PTPRD: variants seen among roughly 807,000 people sequenced by gnomAD.
PTPRD encodes the protein receptor-type tyrosine-protein phosphatase delta.
A neutral mutation model predicts 214.5 loss-of-function variants in PTPRD; 34 were observed. The observed-to-expected ratio is 0.16, with a 90% CI of 0.12 to 0.21. The LOEUF is 0.21. Ranked by LOEUF, PTPRD falls within the 10% of genes least tolerant of loss-of-function variation. PTPRD has a pLI of 1.00. For missense variants in PTPRD, 2,545 were observed against 2,398.7 expected, an observed-to-expected ratio of 1.06 and a Z score of -1.27; for synonymous variants, 1,128 against 845.7, an observed-to-expected ratio of 1.33 and a Z score of -5.79.
chr9:9,758,806 C>G lies in PTPRD; in HGVS notation c.-326+8004G>C, dbSNP rs944853076. Among the ~76,000 whole-genome samples, 22 of 144,468 alleles carry G rather than the reference C, an allele frequency of 1.5e-4. 1 individual carries two copies. Among genetic ancestry groups the G allele is most frequent in the Admixed American group, 1.5e-3 (21 of 14,340 alleles). 94.8% of individuals were successfully genotyped at this position (144,468 alleles called of 152,430 possible). A position where few individuals can be genotyped will look rare whatever the true frequency, so the allele number is the denominator to read the frequency against. On this transcript the variant is annotated intron_variant, in intron 6 of 45. Transcript: ENST00000381196. ...TCAGAGCAACTGGAACATCAAGTCTCTCTTGTGTACAGGCAAGGGGAAGAT... is the reference window on the plus strand; with the variant it reads ...TCAGAGCAACTGGAACATCAAGTCTGTCTTGTGTACAGGCAAGGGGAAGAT...
chr9:9,560,486 TCA>T (rs1380235589), intron 8 of PTPRD, among the ~76,000 whole-genome samples: 1 of 152,172 alleles, frequency 6.6e-6, no homozygotes, highest in African/African-American at 2.4e-5. Context: ...TCCTCCACAC[TCA>T]CAGGGAATCT....
intron 3 of PTPRD, among the ~76,000 whole-genome samples, chr9:10,175,313 T>G: frequency 6.6e-6 from 1 of 152,074 alleles, no homozygotes; most frequent in East Asian, 1.9e-4. Context: ...TTAGAAGTCA[T>G]GTTAAGAAAA....
chr9:10,376,378 A>T (rs1377063205), intron 2 of PTPRD, among the ~76,000 whole-genome samples: 1 of 151,784 alleles, frequency 6.6e-6, no homozygotes, highest in Non-Finnish European at 1.5e-5. Flanking sequence ...AAAATTATAG[A>T]ACAAATATGG....
At chr9:9,296,789 T>C (rs893740801) in intron 9 of PTPRD, among the ~76,000 whole-genome samples, 10 of 151,774 alleles carry the variant, frequency 6.6e-5, no homozygotes, top group Admixed American at 4.0e-4. Context: ...CGTAGATGAA[T>C]CAAGGCAATG....
intron 11 of PTPRD, among the ~76,000 whole-genome samples, chr9:8,783,882 T>C (rs1364610307): frequency 1.3e-5 from 2 of 152,198 alleles, no homozygotes; most frequent in Non-Finnish European, 2.9e-5. Context: ...AGACACTCAA[T>C]ATTTACGCTA....
chr9:9,189,518 C>T (rs190670028), intron 9 of PTPRD, among the ~76,000 whole-genome samples: 176 of 152,154 alleles, frequency 1.2e-3, no homozygotes, highest in African/African-American at 4.0e-3. Context: ...AAAACGTCCT[C>T]TCTGATCCCT....
chr9:10,153,856 T>C (rs112071009), intron 3 of PTPRD, among the ~76,000 whole-genome samples: 135 of 152,238 alleles, frequency 8.9e-4, no homozygotes, highest in African/African-American at 3.1e-3. Flanking sequence ...TGGTATATAT[T>C]GTACCACATT....
chr9:8,349,924 AC>A (rs1169248173), intron 39 of PTPRD, among the ~76,000 whole-genome samples: 12 of 136,802 alleles, frequency 8.8e-5, no homozygotes, highest in African/African-American at 2.4e-4. Context: ...TTATTGCTAA[AC>A]TTTAGTGGTT....
chr9:10,369,079 G>A (rs2097565486), intron 2 of PTPRD, among the ~76,000 whole-genome samples: 3 of 151,900 alleles, frequency 2.0e-5, no homozygotes, highest in South Asian at 4.2e-4. Flanking sequence ...ATGCACCATG[G>A]TTAAAAAAAT....
At chr9:9,185,094 G>A (rs535878811) in intron 9 of PTPRD, among the ~76,000 whole-genome samples, 1 of 152,148 alleles carries the variant, frequency 6.6e-6, no homozygotes, top group Admixed American at 6.6e-5. Context: ...GGGCTTGGAA[G>A]CTCCTTGCTG....
intron 9 of PTPRD, among the ~76,000 whole-genome samples, chr9:9,228,295 T>C (rs2099960851): frequency 6.6e-6 from 1 of 152,094 alleles, no homozygotes; most frequent in South Asian, 2.1e-4. Flanking sequence ...TGTGTTACTG[T>C]AGAAACTCCC....
chr9:8,437,155 T>C (rs1434204503), intron 34 of PTPRD: 16 of 1,384,158 alleles, frequency 1.2e-5, no homozygotes, highest in Middle Eastern at 1.9e-4. Flanking sequence ...AGTAGCTTGA[T>C]AGTAAACATA....
At chr9:8,777,040 G>A (rs1171877509) in intron 11 of PTPRD, among the ~76,000 whole-genome samples, 2 of 105,188 alleles carry the variant, frequency 1.9e-5, no homozygotes, top group East Asian at 5.2e-4. Flanking sequence ...GAGTGCAGTG[G>A]CAGGATCACG....
intron 11 of PTPRD, among the ~76,000 whole-genome samples, chr9:8,936,740 T>A (rs573114724): frequency 6.6e-6 from 1 of 152,298 alleles, no homozygotes; most frequent in South Asian, 2.1e-4. Context: ...TACCACTGAG[T>A]GATTCTGTTT....
intron 12 of PTPRD, among the ~76,000 whole-genome samples, chr9:8,679,537 C>A (rs944169037): frequency 6.6e-6 from 1 of 152,180 alleles, no homozygotes; most frequent in African/African-American, 2.4e-5. Context: ...GCATAGAACG[C>A]CTTCAACTCC....
chr9:8,424,356 C>T (rs1163785800), intron 35 of PTPRD, among the ~76,000 whole-genome samples: 2 of 152,100 alleles, frequency 1.3e-5, no homozygotes, highest in Non-Finnish European at 2.9e-5. Flanking sequence ...GGTTCATATC[C>T]TAGCTTTGCC....
intron 3 of PTPRD, among the ~76,000 whole-genome samples, chr9:10,103,302 T>G (rs860563): frequency 0.34 from 50,054 of 145,606 alleles, 9,324 homozygotes; most frequent in East Asian, 0.51. Context: ...ATCACAATTT[T>G]CTTCCTAAAA....
chr9:9,192,130 C>G (rs963279334), intron 9 of PTPRD, among the ~76,000 whole-genome samples: 8 of 151,908 alleles, frequency 5.3e-5, no homozygotes, highest in African/African-American at 7.3e-5. Flanking sequence ...AGCATGACAC[C>G]TACACTTTTC....
intron 5 of PTPRD, among the ~76,000 whole-genome samples, chr9:9,915,144 G>A (rs1435443412): frequency 2.6e-5 from 4 of 152,108 alleles, no homozygotes; most frequent in Non-Finnish European, 4.4e-5. Context: ...CTGTAGAAAC[G>A]ACATGGAGAC....
Sources: allele counts gnomAD v4.1 joint callset (sites outside exome capture counted in the v4.1 genomes callset), GRCh38; gene constraint gnomAD v4.1.1; transcripts MANE v1.5; gene names NCBI Gene and HGNC (gene_info 2026-07-23, HGNC 2026-07-21).